The following PCDHA4 variants were observed in gnomAD, a reference collection of about 807,000 sequenced individuals.
PCDHA4 encodes protocadherin alpha-4.
Under a neutral mutation model 61.4 loss-of-function variants are expected in PCDHA4, and 49 were observed. That is an observed-to-expected ratio of 0.80 (90% CI 0.63 to 1.01). The LOEUF (loss-of-function observed/expected upper bound fraction) is 1.01. Ranked by LOEUF, PCDHA4 falls within the 50% of genes least tolerant of loss-of-function variation. The pLI, the probability that PCDHA4 is intolerant of heterozygous loss-of-function variation, is 0.00. For synonymous variants in PCDHA4, 590 were observed against 550.3 expected (o/e 1.07, Z -1.01); for missense variants, 1,254 against 1,235.8 (o/e 1.01, Z -0.22).
At chr5:140,835,826 C>G in intron 1 of PCDHA4, 4 of 1,612,456 alleles carry the variant, frequency 2.5e-6, no homozygotes, top group Non-Finnish European at 3.4e-6. Context: ...CGGCGGGGGA[C>G]GCGGACGCGC....
Position 140,876,461 on chromosome 5 carries a change from T to C in PCDHA4, c.2385+66889T>C, listed in dbSNP as rs782233071. 28 of 1,613,936 alleles carry C rather than the reference T, an allele frequency of 1.7e-5. No homozygotes were observed. In the East Asian group the frequency reaches 5.8e-4, roughly 33 times the overall value. ...GCCATTGATAAAGGGATTCCTTCCA[T>C]GGCAGGTCACAGCATGGTCCTGGTG... On this transcript the variant is annotated intron_variant, in intron 1 of 3. Coordinates refer to ENST00000530339, the MANE Select transcript of PCDHA4 (RefSeq NM_018907.4).
chr5:140,858,010 C>A, intron 1 of PCDHA4: 2 of 1,596,490 alleles, frequency 1.3e-6, no homozygotes, highest in Middle Eastern at 3.3e-4. Flanking sequence ...AGGACCATGG[C>A]GAGCCGTCGC....
intron 1 of PCDHA4, among the ~76,000 whole-genome samples, chr5:140,897,728 A>G (rs1554187548): frequency 6.6e-6 from 1 of 152,092 alleles, no homozygotes; most frequent in Non-Finnish European, 1.5e-5. Flanking sequence ...TGGGTCAAAT[A>G]GTATTTCTAG....
intron 3 of PCDHA4, among the ~76,000 whole-genome samples, chr5:140,987,537 T>C (rs1343074603): frequency 6.6e-6 from 1 of 152,176 alleles, no homozygotes; most frequent in African/African-American, 2.4e-5. Context: ...CCTGGGACCA[T>C]TACTTAACTT....
intron 1 of PCDHA4, chr5:140,834,417 C>G (rs1772976539): frequency 6.2e-7 from 1 of 1,611,544 alleles, no homozygotes; most frequent in Non-Finnish European, 8.5e-7. Context: ...CCCAGGGGGC[C>G]GACATCTACT....
intron 3 of PCDHA4, among the ~76,000 whole-genome samples, chr5:141,008,523 C>A (rs2098380908): frequency 6.6e-6 from 1 of 152,182 alleles, no homozygotes; most frequent in Admixed American, 6.5e-5. Context: ...CAATCAGACT[C>A]TTGGGAATGT....
rs1038140347 is a variant in PCDHA4 at position 140,928,220 on chromosome 5, C to T, written c.2386-50729C>T. On this transcript the variant is annotated intron_variant, in intron 1 of 3. Transcript: ENST00000530339. ...GTTGCTGATGTGAATGACAATACAC[C>T]AAACTTTCCTCAACCCCAGCAGGAA... The T allele has an allele frequency of 2.5e-6, 4 of 1,614,048 alleles. No individual in the cohort carries two copies. The Admixed American group carries it at 5.0e-5, about 20-fold the overall frequency.
At chr5:140,850,849 G>C (rs2150500367) in intron 1 of PCDHA4, 4 of 1,596,076 alleles carry the variant, frequency 2.5e-6, no homozygotes, top group South Asian at 2.2e-5. Context: ...TCTACAGAGC[G>C]AACGGGAGAA....
At chr5:140,947,635 G>T (rs1170525936) in intron 1 of PCDHA4, among the ~76,000 whole-genome samples, 1 of 151,538 alleles carries the variant, frequency 6.6e-6, no homozygotes, top group Non-Finnish European at 1.5e-5. Flanking sequence ...TCATCAGATC[G>T]TATGAACATA....
intron 1 of PCDHA4, chr5:140,870,529 G>C: frequency 6.2e-7 from 1 of 1,614,214 alleles, no homozygotes. Flanking sequence ...CATCTTCACA[G>C]TGTCGGCGCG....
At chr5:140,919,518 T>C (rs1027780107) in intron 1 of PCDHA4, among the ~76,000 whole-genome samples, 1 of 152,194 alleles carries the variant, frequency 6.6e-6, no homozygotes. Context: ...TATGTTTTAA[T>C]TCTCTTTTTT....
chr5:140,892,578 T>G (rs2063581965), intron 1 of PCDHA4, among the ~76,000 whole-genome samples: 1 of 152,178 alleles, frequency 6.6e-6, no homozygotes, highest in Non-Finnish European at 1.5e-5. Context: ...AAAGTATATC[T>G]CAGTATTCAT....
intron 1 of PCDHA4, chr5:140,821,922 G>A (rs141952109): frequency 6.2e-7 from 1 of 1,614,230 alleles, no homozygotes; most frequent in Non-Finnish European, 8.5e-7. Context: ...GCATCGCGCA[G>A]GACCTAGGGC....
At chr5:140,890,248 A>G (rs2062564503) in intron 1 of PCDHA4, among the ~76,000 whole-genome samples, 1 of 152,096 alleles carries the variant, frequency 6.6e-6, no homozygotes, top group Non-Finnish European at 1.5e-5. Context: ...CCAGTACACT[A>G]CTGCACCTGA....
intron 1 of PCDHA4, among the ~76,000 whole-genome samples, chr5:140,905,043 A>T (rs782694794): frequency 1.5e-4 from 23 of 152,126 alleles, no homozygotes; most frequent in Non-Finnish European, 5.9e-5. Flanking sequence ...TAGTTTAATT[A>T]GGTCCCATTT....
chr5:140,901,611 T>C (rs1261733801), intron 1 of PCDHA4, among the ~76,000 whole-genome samples: 1 of 152,204 alleles, frequency 6.6e-6, no homozygotes, highest in Non-Finnish European at 1.5e-5. Flanking sequence ...ATCTCTATGG[T>C]ATAATTTGAA....
chr5:140,807,583 G>A lies in PCDHA4; in HGVS notation c.396G>A (p.Val132=). The part of the protein sequence containing the change: ...EVRDINDNPP[V]FPATQKNLSI... ...GGGACATTAACGATAACCCGCCGGTGTTCCCAGCAACACAAAAGAACCTGT... is the reference window on the plus strand; with the variant it reads ...GGGACATTAACGATAACCCGCCGGTATTCCCAGCAACACAAAAGAACCTGT... The change falls in exon 1 of 4, where the codon GTG becomes GTA. Residue 132 remains valine (V), a synonymous_variant. Coordinates refer to ENST00000530339, the MANE Select transcript of PCDHA4 (RefSeq NM_018907.4). The A allele has an allele frequency of 1.9e-6, 3 of 1,614,178 alleles. No individual in the cohort carries two copies. The highest frequency in any genetic ancestry group is 2.5e-6 in the Non-Finnish European group (3 of 1,180,046).
chr5:140,949,976 TACTTA>T (rs2094437494), intron 1 of PCDHA4, among the ~76,000 whole-genome samples: 1 of 151,940 alleles, frequency 6.6e-6, no homozygotes, highest in Admixed American at 6.6e-5. Flanking sequence ...ACAGCATACA[TACTTA>T]ACTTTTCTCA....
intron 1 of PCDHA4, among the ~76,000 whole-genome samples, chr5:140,965,168 T>A (rs1484687706): frequency 6.6e-6 from 1 of 152,180 alleles, no homozygotes; most frequent in Non-Finnish European, 1.5e-5. Context: ...GACGTTTTAG[T>A]GAGTGCTTTT....
Sources: allele counts gnomAD v4.1 joint callset (sites outside exome capture counted in the v4.1 genomes callset), GRCh38; gene constraint gnomAD v4.1.1; transcripts MANE v1.5; gene names NCBI Gene and HGNC (gene_info 2026-07-23, HGNC 2026-07-21).